ENTREP2: variants seen among roughly 807,000 people sequenced by gnomAD.
ENTREP2 encodes protein ENTREP2.
the ENTREP2 span, among the ~76,000 whole-genome samples, chr15:29,416,229 C>T: frequency 2.6e-5 from 4 of 152,172 alleles, no homozygotes; most frequent in Admixed American, 2.0e-4. Context: ...AGGCATCACG[C>T]TACCTGACTT....
At chr15:29,121,336 G>A in the ENTREP2 span, 1 of 152,344 alleles carries the variant, frequency 6.6e-6, no homozygotes, top group Non-Finnish European at 1.5e-5. Flanking sequence ...TGGGTGGCTG[G>A]TGGTCTTGGC....
chr15:29,246,604 G>C, the ENTREP2 span, among the ~76,000 whole-genome samples: 8 of 152,118 alleles, frequency 5.3e-5, no homozygotes, highest in South Asian at 1.5e-3. Flanking sequence ...GGAGGCTGAG[G>C]CAGGAGAATC....
chr15:29,561,645 G>A, the ENTREP2 span, among the ~76,000 whole-genome samples: 5 of 151,824 alleles, frequency 3.3e-5, no homozygotes, highest in South Asian at 4.2e-4. Flanking sequence ...CCGAGACTAC[G>A]CCACTGCGCT....
the ENTREP2 span, among the ~76,000 whole-genome samples, chr15:29,492,691 T>C: frequency 1.3e-5 from 2 of 152,184 alleles, no homozygotes; most frequent in African/African-American, 4.8e-5. Context: ...ACACTGCCTA[T>C]TGTTAAAATA....
chr15:29,243,894 T>C, the ENTREP2 span, among the ~76,000 whole-genome samples: 1 of 152,126 alleles, frequency 6.6e-6, no homozygotes, highest in Non-Finnish European at 1.5e-5. Context: ...AATTCCCAGG[T>C]TATATAAACT....
At chr15:29,398,207 G>A in the ENTREP2 span, among the ~76,000 whole-genome samples, 3 of 149,516 alleles carry the variant, frequency 2.0e-5, no homozygotes, top group African/African-American at 2.5e-5. Context: ...AAACTCATAG[G>A]ACAGTGCATT....
chr15:29,365,937 G>A, the ENTREP2 span, among the ~76,000 whole-genome samples: 2 of 152,056 alleles, frequency 1.3e-5, no homozygotes, highest in East Asian at 3.9e-4. Flanking sequence ...CAGCATTCAC[G>A]CTGAAACACG....
chr15:29,233,927 G>C, the ENTREP2 span: 1 of 1,567,770 alleles, frequency 6.4e-7, no homozygotes. Context: ...CTGTTCAGCT[G>C]GAGTATCTAC....
the ENTREP2 span, among the ~76,000 whole-genome samples, chr15:29,361,732 T>G: frequency 1.3e-5 from 2 of 152,174 alleles, no homozygotes; most frequent in Non-Finnish European, 2.9e-5. Flanking sequence ...GTGTCCTTTA[T>G]GTATCCAGGA....
the ENTREP2 span, among the ~76,000 whole-genome samples, chr15:29,400,106 T>C: frequency 2.0e-5 from 3 of 150,626 alleles, no homozygotes; most frequent in South Asian, 6.2e-4. Context: ...ACAACCCTAA[T>C]TAGTATGTGT....
the ENTREP2 span, among the ~76,000 whole-genome samples, chr15:29,440,974 A>T: frequency 6.6e-6 from 1 of 152,230 alleles, no homozygotes; most frequent in Non-Finnish European, 1.5e-5. Context: ...TTCTGGGTAT[A>T]TACCCAAAAG....
At chr15:29,268,604 G>A in the ENTREP2 span, 3 of 525,538 alleles carry the variant, frequency 5.7e-6, no homozygotes, top group South Asian at 1.4e-4. Flanking sequence ...TTTGTTTATA[G>A]ATGAAAATCT....
the ENTREP2 span, among the ~76,000 whole-genome samples, chr15:29,228,151 T>A: frequency 6.6e-6 from 1 of 151,998 alleles, no homozygotes; most frequent in Non-Finnish European, 1.5e-5. Context: ...AAACCCCGTC[T>A]CTACTAAAAA....
chr15:29,298,667 G>T, the ENTREP2 span, among the ~76,000 whole-genome samples: 9 of 152,054 alleles, frequency 5.9e-5, no homozygotes, highest in African/African-American at 1.7e-4. Flanking sequence ...ACAAGAAGAA[G>T]AAATACTGAA....
chr15:29,576,968 C>T, the ENTREP2 span, among the ~76,000 whole-genome samples: 2 of 151,972 alleles, frequency 1.3e-5, no homozygotes, highest in African/African-American at 4.8e-5. Flanking sequence ...CCACCGCACC[C>T]GCTAATTTTT....
chr15:29,409,103 A>C, the ENTREP2 span, among the ~76,000 whole-genome samples: 1 of 152,174 alleles, frequency 6.6e-6, no homozygotes, highest in Non-Finnish European at 1.5e-5. Flanking sequence ...ATGCTTAGGA[A>C]TTTGTTATGT....
At chr15:29,257,932 C>T in the ENTREP2 span, among the ~76,000 whole-genome samples, 1 of 151,638 alleles carries the variant, frequency 6.6e-6, no homozygotes, top group Non-Finnish European at 1.5e-5. Flanking sequence ...GCCAACTTTG[C>T]TGGGCGCGGT....
the ENTREP2 span, among the ~76,000 whole-genome samples, chr15:29,134,984 A>G: frequency 3.3e-5 from 5 of 151,948 alleles, no homozygotes; most frequent in East Asian, 3.9e-4. Context: ...GGTAGAGATA[A>G]CCATCCGGGG....
chr15:29,644,208 T>C, the ENTREP2 span, among the ~76,000 whole-genome samples: 15 of 152,316 alleles, frequency 9.8e-5, no homozygotes, highest in Admixed American at 2.0e-4. Context: ...TCTATGATTT[T>C]ACTTTTGTGA....
Sources: allele counts gnomAD v4.1 joint callset (sites outside exome capture counted in the v4.1 genomes callset), GRCh38; gene constraint gnomAD v4.1.1; transcripts MANE v1.5; gene names NCBI Gene and HGNC (gene_info 2026-07-23, HGNC 2026-07-21).